N4BP2: variants seen among roughly 807,000 people sequenced by gnomAD.
The protein encoded by N4BP2 is NEDD4 binding protein 2, also known as NEDD4-binding protein 2.
In N4BP2, 91 loss-of-function variants were observed where a neutral mutation model predicts 152.8. The observed-to-expected ratio is 0.60, with a 90% CI of 0.50 to 0.71. The LOEUF (loss-of-function observed/expected upper bound fraction) is 0.71. Among genes scored for constraint, N4BP2 ranks in the 30% least tolerant of loss-of-function variants. The pLI is 0.00. For missense variants in N4BP2, 1,923 were observed against 2,059.1 expected (o/e 0.93, Z 1.28); for synonymous variants, 646 against 705.3 (o/e 0.92, Z 1.33).
At position 40,107,036 on chromosome 4, in the gene N4BP2, T is replaced by C; in HGVS notation, c.1498+12T>C. 6.2e-7 allele frequency: 1 copy of C among 1,610,690 alleles called. No individual in the cohort carries two copies. The highest frequency in any genetic ancestry group is 8.5e-7 in the Non-Finnish European group (1 of 1,178,832). On this transcript the variant is annotated intron_variant, in intron 5 of 17. Coordinates refer to ENST00000261435, the MANE Select transcript of N4BP2 (RefSeq NM_018177.6). ...GAACCAGAATCGTGGTAAGAACAGA[T>C]AATCAGATTCTGGGTAACGTTATGA...
intron 16 of N4BP2, among the ~76,000 whole-genome samples, chr4:40,145,645 G>A (rs1292934455): frequency 1.3e-5 from 2 of 152,108 alleles, no homozygotes; most frequent in Non-Finnish European, 2.9e-5. Flanking sequence ...CAAGTATATA[G>A]AAGTGTTATG....
the N4BP2 span, among the ~76,000 whole-genome samples, chr4:40,177,433 T>G: frequency 6.6e-6 from 1 of 152,146 alleles, no homozygotes; most frequent in Non-Finnish European, 1.5e-5. Flanking sequence ...TTGGCCAACA[T>G]GGTGAAACCC....
At chr4:40,135,080 C>T (rs1719260342) in intron 13 of N4BP2, among the ~76,000 whole-genome samples, 3 of 140,410 alleles carry the variant, frequency 2.1e-5, no homozygotes, top group Admixed American at 7.1e-5. Context: ...GTATATCTCC[C>T]AATGCTATCC....
chr4:40,183,081 G>A, the N4BP2 span, among the ~76,000 whole-genome samples: 1 of 152,198 alleles, frequency 6.6e-6, no homozygotes, highest in Non-Finnish European at 1.5e-5. Context: ...CCTGTTAGTG[G>A]TTTGGCTTTG....
At chr4:40,174,499 AGAATG>A in the N4BP2 span, among the ~76,000 whole-genome samples, 1 of 152,100 alleles carries the variant, frequency 6.6e-6, no homozygotes, top group Non-Finnish European at 1.5e-5. Context: ...TGTGTGTTGA[AGAATG>A]GATTAAAAAA....
intron 4 of N4BP2, among the ~76,000 whole-genome samples, chr4:40,106,547 TTTTA>T (rs1716310644): frequency 6.6e-6 from 1 of 152,102 alleles, no homozygotes; most frequent in Non-Finnish European, 1.5e-5. Flanking sequence ...TACTCTTTTA[TTTTA>T]TTTATTTATT....
At chr4:40,077,337 AG>A (rs1712852236) in intron 2 of N4BP2, among the ~76,000 whole-genome samples, 2 of 151,754 alleles carry the variant, frequency 1.3e-5, no homozygotes, top group African/African-American at 4.8e-5. Flanking sequence ...TAGTGGAGAC[AG>A]GGTTTTACCA....
rs1362536543 is a variant in N4BP2, at chr4:40,155,456, T to G, written c.*1219T>G. The G allele has an allele frequency of 1.3e-5, 2 of 152,166 alleles. No homozygotes were observed. The highest frequency in any genetic ancestry group is 4.8e-5 in the African/African-American group (2 of 41,450). 9.4% of individuals were successfully genotyped at this position (152,166 alleles called of 1,614,324 possible). The stretch of plus-strand genomic sequence containing the variant: ...TGGTTATAATCATAAGAAGAATCCT[T>G]ACAATTTAAAATATTTTCACTTTTA... On this transcript the variant is annotated 3_prime_UTR_variant, in exon 18 of 18. Transcript: ENST00000261435.
At chr4:40,137,973 A>C (rs868281760) in intron 14 of N4BP2, among the ~76,000 whole-genome samples, 1 of 152,170 alleles carries the variant, frequency 6.6e-6, no homozygotes, top group South Asian at 2.1e-4. Flanking sequence ...TCCAAATGAA[A>C]GGCGTGCTCC....
intron 16 of N4BP2, among the ~76,000 whole-genome samples, chr4:40,145,891 G>A (rs1020603725): frequency 6.6e-6 from 1 of 152,080 alleles, no homozygotes. Flanking sequence ...GGCCGGGTGC[G>A]GTGGCTCATG....
At chr4:40,096,126 C>G (rs1224022196) in intron 2 of N4BP2, among the ~76,000 whole-genome samples, 1 of 152,076 alleles carries the variant, frequency 6.6e-6, no homozygotes, top group African/African-American at 2.4e-5. Flanking sequence ...AGTAGACTGC[C>G]TGTAGTTCTA....
chr4:40,184,814 G>C, the N4BP2 span, among the ~76,000 whole-genome samples: 1 of 152,028 alleles, frequency 6.6e-6, no homozygotes, highest in Non-Finnish European at 1.5e-5. Flanking sequence ...AAATTATCTG[G>C]GCGTGGTGGC....
In N4BP2 at chr4:40,126,201, A is replaced by G; in HGVS notation, c.4398A>G (p.Lys1466=). Residue 1466 remains lysine (K), a synonymous_variant, in exon 12 of 18, where the codon AAA becomes AAG. Coordinates refer to ENST00000261435, the MANE Select transcript of N4BP2 (RefSeq NM_018177.6). ...PEQKSSQRTG[K]KLLKTLTASE... is the part of the protein sequence containing the mutation. ...AAAAATCATCTCAGAGAACAGGCAA[A>G]AAATTACTGAAGACTTTAACAGCAT... 1 of 1,609,602 alleles carries G rather than the reference A, an allele frequency of 6.2e-7. No homozygotes were observed. Among genetic ancestry groups the G allele is most frequent in the Non-Finnish European group, 8.5e-7 (1 of 1,178,550 alleles).
rs1716048863 is a variant in N4BP2, at chr4:40,104,472, T to C, written c.1373+1254T>C. On this transcript the variant is annotated intron_variant, in intron 4 of 17. Coordinates refer to ENST00000261435, the MANE Select transcript of N4BP2 (RefSeq NM_018177.6). ...TCTGCTAGTAAATTTCCACATATTC[T>C]GCTGATACACTTATAAGCATATTTT... Among the ~76,000 whole-genome samples, 3 of 152,166 alleles carry C rather than the reference T, an allele frequency of 2.0e-5. 1 individual carries two copies. The South Asian group carries it at 6.2e-4, about 32-fold the overall frequency.
intron 2 of N4BP2, among the ~76,000 whole-genome samples, chr4:40,088,490 T>C (rs34354667): frequency 0.18 from 26,979 of 150,124 alleles, 3,155 homozygotes; most frequent in Admixed American, 0.26. Flanking sequence ...AGGTAAGTAA[T>C]ATCTCATTAT....
Position 40,113,532 on chromosome 4 carries a change from A to T in N4BP2, c.1664+24A>T, listed in dbSNP as rs767723269. ...AGGTAAAACTTGGAGGCTACCTAAC[A>T]TGCTTTTTATGTAACGACAGACAGA... On this transcript the variant is annotated intron_variant, in intron 7 of 17. Transcript: ENST00000261435. 1.2e-5 allele frequency: 18 copies of T among 1,510,706 alleles called. No individual in the cohort carries two copies. The Admixed American group carries it at 1.9e-4, about 16-fold the overall frequency. The allele number at this position is 1,510,706 out of a possible 1,614,324, so 93.6% of individuals were successfully genotyped here.
chr4:40,172,648 A>T, the N4BP2 span, among the ~76,000 whole-genome samples: 1 of 152,136 alleles, frequency 6.6e-6, no homozygotes, highest in Non-Finnish European at 1.5e-5. Flanking sequence ...TGACACTTCG[A>T]TTTTGGAATT....
At position 40,136,997 on chromosome 4, in the gene N4BP2, C is replaced by G. The variant is rs780286893; in HGVS notation, c.4700C>G (p.Pro1567Arg). The change falls in exon 14 of 18, where the codon CCT (proline) becomes CGT (arginine). Residue 1567 changes from proline (P) to arginine (R), a missense_variant. By Grantham distance (103) the Pro-to-Arg change is moderately radical. Transcript: ENST00000261435. The stretch of plus-strand genomic sequence containing the variant: ...CTTAACTGTGTTCTTGAAGGGGACC[C>G]TGTAAAAACAGTTGTAGCCCAAGAG... The part of the protein sequence containing the change: ...QFLNCVLEGD[P>R]VKTVVAQEFV... The G allele has an allele frequency of 6.2e-7, 1 of 1,613,432 alleles. No homozygotes were observed. Among genetic ancestry groups the G allele is most frequent in the East Asian group, 2.2e-5 (1 of 44,832 alleles).
chr4:40,139,828 CTTTTTTTTTTTTTT>C (rs1719750140), intron 14 of N4BP2, among the ~76,000 whole-genome samples: 1 of 97,842 alleles, frequency 1.0e-5, no homozygotes, highest in Non-Finnish European at 2.1e-5. Flanking sequence ...ATTTTTTTTT[CTTTTTTTTTTTTTT>C]GAGACAGGGT....
Sources: allele counts gnomAD v4.1 joint callset (sites outside exome capture counted in the v4.1 genomes callset), GRCh38; gene constraint gnomAD v4.1.1; transcripts MANE v1.5; gene names NCBI Gene and HGNC (gene_info 2026-07-23, HGNC 2026-07-21).